NELL2: variants seen among roughly 807,000 people sequenced by gnomAD.
The protein encoded by NELL2 is neural EGFL like 2.
NELL2 carries 41 observed loss-of-function variants against 109.6 expected under a neutral mutation model. That is an observed-to-expected ratio of 0.37 (90% CI 0.29 to 0.49). The LOEUF (loss-of-function observed/expected upper bound fraction) is 0.49, where lower values mean the gene tolerates loss of function less well. Ranked by LOEUF, NELL2 falls within the 20% of genes least tolerant of loss-of-function variation. The pLI is 0.98. For synonymous variants in NELL2, 355 were observed against 344.7 expected, an observed-to-expected ratio of 1.03 and a Z score of -0.33; for missense variants, 900 against 1,008.3, an observed-to-expected ratio of 0.89 and a Z score of 1.45.
At chr12:44,809,225 T>G (rs1445348007) in intron 3 of NELL2, among the ~76,000 whole-genome samples, 4 of 152,108 alleles carry the variant, frequency 2.6e-5, no homozygotes, top group Non-Finnish European at 5.9e-5. Context: ...GGAAACAGTT[T>G]CTTTGGAATT....
At chr12:44,677,211 T>C (rs1293051853) in intron 12 of NELL2, among the ~76,000 whole-genome samples, 3 of 152,164 alleles carry the variant, frequency 2.0e-5, no homozygotes, top group African/African-American at 7.2e-5. Flanking sequence ...AAGTACTCAA[T>C]GCACCTAATG....
chr12:44,868,931 G>T (rs2703045), intron 2 of NELL2, among the ~76,000 whole-genome samples: 1,849 of 152,202 alleles, frequency 0.012, 52 homozygotes, highest in African/African-American at 0.043. Flanking sequence ...ATGTTAATTA[G>T]CTCAATTTAG....
intron 13 of NELL2, among the ~76,000 whole-genome samples, chr12:44,645,432 T>G (rs1300614259): frequency 6.6e-6 from 1 of 152,160 alleles, no homozygotes; most frequent in Non-Finnish European, 1.5e-5. Flanking sequence ...AGCTTTTTAT[T>G]TTGAAAACTA....
intron 15 of NELL2, among the ~76,000 whole-genome samples, chr12:44,602,969 T>TA (rs1189670331): frequency 6.6e-6 from 1 of 152,100 alleles, no homozygotes; most frequent in East Asian, 1.9e-4. Context: ...ATAACAGTAA[T>TA]AAAATAAACT....
At chr12:44,881,656 G>A (rs1247441410) in intron 1 of NELL2, 2 of 151,890 alleles carry the variant, frequency 1.3e-5, no homozygotes, top group Non-Finnish European at 2.9e-5. Context: ...GGGACAAAAC[G>A]AAAAGAAAAT....
intron 12 of NELL2, among the ~76,000 whole-genome samples, chr12:44,684,995 T>C (rs1039750392): frequency 1.4e-4 from 22 of 152,114 alleles, no homozygotes; most frequent in African/African-American, 5.1e-4. Context: ...GTCTCGTTGA[T>C]CTGTCTAATG....
At chr12:44,603,228 C>T (rs921647396) in intron 15 of NELL2, among the ~76,000 whole-genome samples, 3 of 152,078 alleles carry the variant, frequency 2.0e-5, no homozygotes, top group African/African-American at 7.2e-5. Context: ...CATTTATCAT[C>T]AAAATGTCTG....
chr12:44,781,811 T>A (rs1417907856), intron 3 of NELL2, among the ~76,000 whole-genome samples: 1 of 151,782 alleles, frequency 6.6e-6, no homozygotes, highest in African/African-American at 2.4e-5. Context: ...AAAACATCCT[T>A]CAGGAATGAA....
chr12:44,855,324 A>G (rs2710455), intron 2 of NELL2, among the ~76,000 whole-genome samples: 130,369 of 152,168 alleles, frequency 0.86, 56,055 homozygotes, highest in Middle Eastern at 0.95. Flanking sequence ...AGTTTAGGAA[A>G]GCCAGGGAAT....
At chr12:44,684,826 C>T (rs1948658719) in intron 12 of NELL2, among the ~76,000 whole-genome samples, 1 of 152,080 alleles carries the variant, frequency 6.6e-6, no homozygotes, top group South Asian at 2.1e-4. Flanking sequence ...CTGAGGAGTG[C>T]TTTACTTCCA....
At chr12:44,863,561 A>C (rs1944904042) in intron 2 of NELL2, among the ~76,000 whole-genome samples, 1 of 152,204 alleles carries the variant, frequency 6.6e-6, no homozygotes, top group Admixed American at 6.5e-5. Context: ...CCCAGCAAAC[A>C]TTCCCTTCAA....
chr12:44,823,179 C>T (rs77216122), intron 2 of NELL2, among the ~76,000 whole-genome samples: 1,567 of 152,146 alleles, frequency 0.01, 30 homozygotes, highest in East Asian at 0.049. Flanking sequence ...GTTTTGACAT[C>T]TATATCTATG....
intron 3 of NELL2, among the ~76,000 whole-genome samples, chr12:44,783,599 T>C (rs1380055035): frequency 7.1e-6 from 1 of 141,768 alleles, no homozygotes; most frequent in East Asian, 2.1e-4. Context: ...TGACACAAAA[T>C]GAACTAATTC....
At chr12:44,570,824 A>G (rs139621518) in intron 15 of NELL2, among the ~76,000 whole-genome samples, 1 of 152,310 alleles carries the variant, frequency 6.6e-6, no homozygotes, top group African/African-American at 2.4e-5. Context: ...ATATGGTGTC[A>G]ATTAGTGAAT....
At chr12:44,909,557 A>C (rs1218786968) in intron 1 of NELL2, among the ~76,000 whole-genome samples, 1 of 152,046 alleles carries the variant, frequency 6.6e-6, no homozygotes, top group African/African-American at 2.4e-5. Flanking sequence ...TCAAACTACC[A>C]ACTTTATTTT....
chr12:44,647,154 T>G (rs770950647), intron 13 of NELL2, among the ~76,000 whole-genome samples: 1 of 152,018 alleles, frequency 6.6e-6, no homozygotes, highest in South Asian at 2.1e-4. Flanking sequence ...AAGGAGTGGG[T>G]AGCAGGGCCC....
At chr12:44,640,017 AT>A (rs895677665) in intron 13 of NELL2, among the ~76,000 whole-genome samples, 10 of 151,810 alleles carry the variant, frequency 6.6e-5, no homozygotes, top group African/African-American at 1.5e-4. Flanking sequence ...GGCTGTCACT[AT>A]TTTTTTTCTC....
intron 15 of NELL2, among the ~76,000 whole-genome samples, chr12:44,602,790 TA>T (rs1394242051): frequency 5.3e-5 from 8 of 152,160 alleles, no homozygotes; most frequent in African/African-American, 1.9e-4. Context: ...AAATATGCCT[TA>T]AAAAAACAAA....
At chr12:44,729,598 T>C (rs1234565978) in intron 9 of NELL2, among the ~76,000 whole-genome samples, 5 of 150,172 alleles carry the variant, frequency 3.3e-5, no homozygotes, top group Non-Finnish European at 7.4e-5. Flanking sequence ...AATTATATGC[T>C]GTCTACAAAA....
Sources: allele counts gnomAD v4.1 joint callset (sites outside exome capture counted in the v4.1 genomes callset), GRCh38; gene constraint gnomAD v4.1.1; transcripts MANE v1.5; gene names NCBI Gene and HGNC (gene_info 2026-07-23, HGNC 2026-07-21).